The following ANKLE2 variants were observed in gnomAD, a reference collection of about 807,000 sequenced individuals.
ANKLE2 encodes ankyrin repeat and LEM domain containing 2.
ANKLE2 carries 55 observed loss-of-function variants against 84.2 expected under a neutral mutation model. That is an observed-to-expected ratio of 0.65 (90% confidence interval 0.53 to 0.82). The LOEUF is 0.82. Ranked by LOEUF, ANKLE2 falls within the 40% of genes least tolerant of loss-of-function variation. ANKLE2 has a pLI of 0.00. For missense variants in ANKLE2, 1,238 were observed against 1,201.9 expected (o/e 1.03, Z -0.44); for synonymous variants, 551 against 486.1 (o/e 1.13, Z -1.76).
At chr12:132,735,185 G>C (rs2043983096) in intron 9 of ANKLE2, 1 of 559,418 alleles carries the variant, frequency 1.8e-6, no homozygotes, top group South Asian at 2.1e-5. Flanking sequence ...ATTAGAAAAG[G>C]AAAGGAAGGC....
chr12:132,743,352 C>G lies in ANKLE2; in HGVS notation c.1231-76G>C. The G allele has an allele frequency of 7.0e-7, 1 of 1,419,668 alleles. No homozygotes were observed. Among genetic ancestry groups the G allele is most frequent in the Non-Finnish European group, 9.4e-7 (1 of 1,062,816 alleles). 87.9% of individuals were successfully genotyped at this position (1,419,668 alleles called of 1,614,324 possible). On this transcript the variant is annotated intron_variant, in intron 5 of 12. Coordinates refer to ENST00000357997, the MANE Select transcript of ANKLE2 (RefSeq NM_015114.3). This position sits in a 1 kb window ranked among gnomAD's most constrained non-coding sequence, Gnocchi z 4.1. ...TTGCTCTAAGGTGAAAATACATATT[C>G]ATTCATTCATTCATTCATTTATTTA...
At chr12:132,737,152 C>CT in intron 7 of ANKLE2, 87 bp from the exon 8 acceptor site, 1 of 1,420,596 alleles carries the variant, frequency 7.0e-7, no homozygotes, top group Non-Finnish European at 9.4e-7. Context: ...CACGCGAGCC[C>CT]TTGCCAAGGC....
At chr12:132,733,318 G>A (rs1342879590) in intron 10 of ANKLE2, among the ~76,000 whole-genome samples, 1 of 148,584 alleles carries the variant, frequency 6.7e-6, no homozygotes, top group Non-Finnish European at 1.5e-5. Flanking sequence ...CGTGCACCGT[G>A]TGAAGCTCTC....
Position 132,748,033 on chromosome 12 carries a change from C to T in ANKLE2, c.1042-13G>A, listed in dbSNP as rs115656369. On this transcript the variant is annotated splice_polypyrimidine_tract_variant and intron_variant, in intron 4 of 12. Transcript: ENST00000357997. ...ACCTGCACCCTTCCTGAAAGAGAAC[C>T]GCATGCTCTGAGCTTCCTATCTGAT... The T allele has an allele frequency of 2.0e-3, 3,169 of 1,596,514 alleles. 50 individuals carry two copies. The African/African-American group carries it at 0.038, about 19-fold the overall frequency.
At position 132,735,471 on chromosome 12, in the gene ANKLE2, C is replaced by T; in HGVS notation, c.1635G>A (p.Glu545=). The change falls in exon 9 of 13, where the codon GAG becomes GAA. Residue 545 remains glutamate, a synonymous_variant. Transcript: ENST00000357997. ...TGACGTGGTGAAGGAAGCCTGCTTT[C>T]TCTCGAGGTGGAGTTTTCCAGAGCT... ...FRKLWKTPPR[E]KAGFLHHVKK... 2 of 1,613,878 alleles carry T rather than the reference C, an allele frequency of 1.2e-6. No individual in the cohort carries two copies. The highest frequency in any genetic ancestry group is 1.7e-6 in the Non-Finnish European group (2 of 1,179,972).
At position 132,747,835 on chromosome 12, in the gene ANKLE2, C is replaced by A; in HGVS notation, c.1227G>T (p.Lys409Asn). ...TGAGTGGAGGGTGTGCACGCACCAT[C>A]TTGTCGGGGGTGTTGAGGTACAGGT... is the stretch of plus-strand genomic sequence containing the variant. Reference protein sequence around the residue: ...VVDLYLNTPDKMGYDTPLHFA... With the variant: ...VVDLYLNTPDNMGYDTPLHFA... Residue 409 changes from lysine to asparagine, a missense_variant, in exon 5 of 13, where the codon AAG becomes AAT. By Grantham distance (94) the Lys-to-Asn change is moderately conservative. This residue lies in a region of ANKLE2 where 802 missense variants were observed against 774.5 expected (regional missense o/e 1.04). Coordinates refer to ENST00000357997, the MANE Select transcript of ANKLE2 (RefSeq NM_015114.3). 6.3e-7 allele frequency: 1 copy of A among 1,595,050 alleles called. No individual in the cohort carries two copies. The highest frequency in any genetic ancestry group is 8.5e-7 in the Non-Finnish European group (1 of 1,175,440).
chr12:132,749,700 C>T (rs891605538), intron 3 of ANKLE2, among the ~76,000 whole-genome samples: 4 of 152,188 alleles, frequency 2.6e-5, no homozygotes, highest in East Asian at 3.9e-4. Context: ...AAGGTAAAGG[C>T]GGAGGTTCTA....
chr12:132,735,390 C>T lies in ANKLE2; in HGVS notation c.1700+16G>A. ...AACTGTGTGCCCCACGCTGCTGCGG[C>T]TCAGCCTTTCAGTACCTTCCCACTC... is the stretch of plus-strand genomic sequence containing the variant. On this transcript the variant is annotated intron_variant, in intron 9 of 12. Transcript: ENST00000357997. 6.2e-7 allele frequency: 1 copy of T among 1,611,702 alleles called. No homozygotes were observed. The highest frequency in any genetic ancestry group is 2.2e-5 in the East Asian group (1 of 44,870).
At chr12:132,752,968 A>C (rs1477448089) in intron 2 of ANKLE2, among the ~76,000 whole-genome samples, 2 of 150,968 alleles carry the variant, frequency 1.3e-5, no homozygotes, top group African/African-American at 2.4e-5. Context: ...GACCAGACTA[A>C]GCAATAAAGC....
chr12:132,756,878 C>G (rs2044497795), intron 1 of ANKLE2: 1 of 151,838 alleles, frequency 6.6e-6, no homozygotes, highest in Non-Finnish European at 1.5e-5. Context: ...TCACAGTGAG[C>G]CGAGATCGCA....
intron 3 of ANKLE2, 106 bp from the exon 4 acceptor site, chr12:132,748,437 G>T: frequency 7.7e-7 from 1 of 1,295,400 alleles, no homozygotes; most frequent in Non-Finnish European, 1.1e-6. Flanking sequence ...GAGGCTTCTG[G>T]GCCAACTGGG....
chr12:132,750,400 A>G (rs1420718840), intron 3 of ANKLE2, among the ~76,000 whole-genome samples: 1 of 152,018 alleles, frequency 6.6e-6, no homozygotes, highest in East Asian at 1.9e-4. Context: ...ACAAAAAAAA[A>G]AGAAAAAAAT....
In ANKLE2 at chr12:132,736,938, C is replaced by G. The variant is rs763150331; in HGVS notation, c.1548G>C (p.Pro516=). ...CTGCGAAGGCTCTCAGGGTCAGTAC[C>G]GGGTCTCTGGGGCTGCCTCCATAGC... ...VSRYGGSPRD[P]VLTLRAFAGP... The change falls in exon 8 of 13, where the codon CCG becomes CCC. Residue 516 remains proline (P), a synonymous_variant. Coordinates refer to ENST00000357997, the MANE Select transcript of ANKLE2 (RefSeq NM_015114.3). 2 of 1,613,710 alleles carry G rather than the reference C, an allele frequency of 1.2e-6. No homozygotes were observed. Among genetic ancestry groups the G allele is most frequent in the South Asian group, 2.2e-5 (2 of 91,064 alleles).
Position 132,754,967 on chromosome 12 carries a change from C to G in ANKLE2, c.348G>C (p.Arg116Ser), listed in dbSNP as rs376564536. Reference sequence around the variant, plus strand: ...CCTCATGGTGGTAGAAAGAAGACAGCCTTCCTCCTTGCTCCAGTAAAGCCT... The same window carrying G: ...CCTCATGGTGGTAGAAAGAAGACAGGCTTCCTCCTTGCTCCAGTAAAGCCT... ...LAQALLEQGG[R>S]LSSFYHHEAG... Residue 116 changes from arginine (R) to serine (S), a missense_variant, in exon 2 of 13, where the codon AGG becomes AGC. Transcript: ENST00000357997. The G allele has an allele frequency of 6.2e-7, 1 of 1,614,186 alleles. No homozygotes were observed.
chr12:132,728,411 T>G (rs2043755651), intron 11 of ANKLE2, among the ~76,000 whole-genome samples: 1 of 152,114 alleles, frequency 6.6e-6, no homozygotes. Flanking sequence ...TGTATTTTTA[T>G]TAGAGATAGG....
intron 10 of ANKLE2, chr12:132,732,218 C>G (rs190249213): frequency 4.2e-4 from 45 of 107,326 alleles, no homozygotes; most frequent in African/African-American, 1.6e-3. Context: ...CTGATACGCA[C>G]CGTGTGAAGT....
At chr12:132,731,425 T>TTTTC (rs34995594) in intron 10 of ANKLE2, 94,245 of 151,498 alleles carry the variant, frequency 0.62, 29,722 homozygotes, top group East Asian at 0.79. Flanking sequence ...ATCATTTTCA[T>TTTTC]TTTCTATCAT....
At chr12:132,759,521 G>GATATGTGCCATATGA (rs1566042428) in intron 1 of ANKLE2, 15 of 140,394 alleles carry the variant, frequency 1.1e-4, no homozygotes, top group African/African-American at 4.6e-4. Flanking sequence ...CTATATATAT[G>GATATGTGCCATATGA]TATACTATAT....
At position 132,729,913 on chromosome 12, in the gene ANKLE2, T is replaced by C. The variant is rs201843669; in HGVS notation, c.2249A>G (p.Lys750Arg). Reference sequence around the variant, plus strand: ...AGTTTTTGTACTTTCATCTGGTGTCTTGGAAACGCTACGTCCTATATTTTG... The same window carrying C: ...AGTTTTTGTACTTTCATCTGGTGTCCTGGAAACGCTACGTCCTATATTTTG... ...NLQNIGRSVS[K>R]TPDESTKTKD... The change falls in exon 11 of 13, where the codon AAG becomes AGG. Residue 750 changes from lysine (K) to arginine (R), a missense_variant. Physicochemically the swap from Lys to Arg is conservative, Grantham distance 26. Transcript: ENST00000357997. 2 of 1,613,676 alleles carry C rather than the reference T, an allele frequency of 1.2e-6. No homozygotes were observed. Among genetic ancestry groups the C allele is most frequent in the Non-Finnish European group, 8.5e-7 (1 of 1,179,898 alleles).
Sources: allele counts gnomAD v4.1 joint callset (sites outside exome capture counted in the v4.1 genomes callset), GRCh38; gene constraint gnomAD v4.1.1; regional missense constraint gnomAD v4.1.1; non-coding constraint Gnocchi (gnomAD v3.1); transcripts MANE v1.5; gene names NCBI Gene and HGNC (gene_info 2026-07-23, HGNC 2026-07-21).